ABLIM2: variants seen among roughly 807,000 people sequenced by gnomAD.
The protein encoded by ABLIM2 is actin-binding LIM protein 2.
Under a neutral mutation model 97.7 loss-of-function variants are expected in ABLIM2, and 53 were observed. The ratio of observed to expected loss-of-function variants is 0.54; its 90% CI spans 0.44 to 0.68. The LOEUF is 0.68. ABLIM2 is among the 30% of genes least tolerant of loss of function. ABLIM2 has a pLI of 0.00. For missense variants in ABLIM2, 835 were observed against 867.2 expected, an observed-to-expected ratio of 0.96 and a Z score of 0.47; for synonymous variants, 361 against 345.8, an observed-to-expected ratio of 1.04 and a Z score of -0.49.
chr4:8,114,777 C>G (rs1517524), intron 1 of ABLIM2, among the ~76,000 whole-genome samples: 108,809 of 152,058 alleles, frequency 0.72, 39,944 homozygotes, highest in South Asian at 0.94. Context: ...AGGCCAGCAC[C>G]GGGCCGATGT....
chr4:8,064,136 C>T (rs747115075), intron 6 of ABLIM2, among the ~76,000 whole-genome samples: 18 of 152,250 alleles, frequency 1.2e-4, no homozygotes, highest in South Asian at 4.1e-4. Flanking sequence ...TGTGCTCTCG[C>T]CATTGCTCCA....
chr4:8,154,899 C>T lies in ABLIM2; in HGVS notation c.10+3781G>A, dbSNP rs117291101. Among the ~76,000 whole-genome samples, 293 of 152,302 alleles carry T rather than the reference C, an allele frequency of 1.9e-3. 3 individuals are homozygous for T. The highest frequency in any genetic ancestry group is 0.013 in the East Asian group (66 of 5,188). Reference sequence around the variant, plus strand: ...GAGGCCTCGCAATCATGGCGGAAGACGAAGGAGGGGCAAAGGGACGTCTCA... The same window carrying T: ...GAGGCCTCGCAATCATGGCGGAAGATGAAGGAGGGGCAAAGGGACGTCTCA... On this transcript the variant is annotated intron_variant, in intron 1 of 20. Transcript: ENST00000447017.
chr4:8,008,241 C>T (rs755545775), intron 15 of ABLIM2, 41 bp from the exon 16 acceptor site: 3 of 1,585,242 alleles, frequency 1.9e-6, no homozygotes, highest in Non-Finnish European at 2.6e-6. Flanking sequence ...TCAAGGTCAT[C>T]TGCAATGGTG....
chr4:8,008,649 C>T (rs771984154), intron 15 of ABLIM2, among the ~76,000 whole-genome samples: 6 of 152,220 alleles, frequency 3.9e-5, no homozygotes, highest in Non-Finnish European at 8.8e-5. Context: ...GCTCCGGCTG[C>T]GTTCACAGAG....
intron 4 of ABLIM2, among the ~76,000 whole-genome samples, chr4:8,081,100 T>G (rs1348390721): frequency 6.6e-6 from 1 of 151,736 alleles, no homozygotes; most frequent in South Asian, 2.1e-4. Context: ...AGAGCGGAGT[T>G]GGCTCCTGGC....
chr4:8,115,195 C>T (rs12649575), intron 1 of ABLIM2, among the ~76,000 whole-genome samples: 61,770 of 152,074 alleles, frequency 0.41, 12,916 homozygotes, highest in Middle Eastern at 0.54. Context: ...CCCCTCTCAG[C>T]ATCACTGTCA....
At position 8,008,513 on chromosome 4, in the gene ABLIM2, G is replaced by C. The variant is rs150330212; in HGVS notation, c.1477-313C>G. ...GGGGAGAATGAGGGCTGCTGCCCAA[G>C]TCCAGCCTCGGGCTCTCCCTATGCA... On this transcript the variant is annotated intron_variant, in intron 15 of 20. Transcript: ENST00000447017. Among the ~76,000 whole-genome samples the C allele has an allele frequency of 1.7e-3, 265 of 152,344 alleles. 2 individuals are homozygous for C. The highest frequency in any genetic ancestry group is 6.1e-3 in the African/African-American group (252 of 41,584).
chr4:8,036,200 G>C lies in ABLIM2; in HGVS notation c.996C>G (p.Ser332=). Residue 332 remains serine, a synonymous_variant, in exon 10 of 21, where the codon TCC becomes TCG. Transcript: ENST00000447017. The part of the protein sequence containing the change: ...IYDIDRPDMI[S]YSPYISHSAG... ...CAGAGTGGCTGATGTAGGGTGAGTA[G>C]GAGATCATGTCGGGGCGGTCGATGT... The C allele has an allele frequency of 1.9e-6, 3 of 1,613,950 alleles. No individual in the cohort carries two copies. Among genetic ancestry groups the C allele is most frequent in the Non-Finnish European group, 2.5e-6 (3 of 1,179,824 alleles).
Position 8,097,301 on chromosome 4 carries a change from G to A in ABLIM2, c.155-19C>T. ...CCACATGCTGGGGGAGGACGGGCGA[G>A]GTGGCGTTAGCGGCAGAGGGGACCA... is the stretch of plus-strand genomic sequence containing the variant. On this transcript the variant is annotated intron_variant, in intron 2 of 20. Transcript: ENST00000447017. 1.3e-6 allele frequency: 2 copies of A among 1,552,064 alleles called. No individual in the cohort carries two copies. The highest frequency in any genetic ancestry group is 8.7e-7 in the Non-Finnish European group (1 of 1,148,158).
At chr4:8,055,214 G>T (rs1355391732) in intron 7 of ABLIM2, among the ~76,000 whole-genome samples, 1 of 152,146 alleles carries the variant, frequency 6.6e-6, no homozygotes, top group Non-Finnish European at 1.5e-5. Context: ...CTTGTGCATG[G>T]GGGACTCAGT....
rs541905316 is a variant in ABLIM2, at chr4:8,058,633, C to T, written c.763+2334G>A. On this transcript the variant is annotated intron_variant, in intron 7 of 20. Transcript: ENST00000447017. The surrounding 1 kb of genome is among the most constrained non-coding windows in gnomAD (Gnocchi z 4.2). ...CAAGTCTGGGGGCTGCACTCCAGCA[C>T]ATGGCCCCTGTCCCACCAGTGCTCG... Among the ~76,000 whole-genome samples the T allele has an allele frequency of 6.6e-6, 1 of 152,328 alleles. No individual in the cohort carries two copies. The highest frequency in any genetic ancestry group is 1.9e-4 in the East Asian group (1 of 5,170).
Position 8,068,018 on chromosome 4 carries a change from T to G in ABLIM2, c.676-6964A>C, listed in dbSNP as rs1404704184. Among the ~76,000 whole-genome samples the G allele has an allele frequency of 6.6e-6, 1 of 152,054 alleles. No homozygotes were observed. Among genetic ancestry groups the G allele is most frequent in the Admixed American group, 6.6e-5 (1 of 15,254 alleles). ...TCGATGGGCTGATGGAGTCAAAAAT[T>G]AGAAGTGTCCTCATTCCCTGTGTCA... is the stretch of plus-strand genomic sequence containing the variant. On this transcript the variant is annotated intron_variant, in intron 6 of 20. Transcript: ENST00000447017. The surrounding 1 kb of genome is among the most constrained non-coding windows in gnomAD (Gnocchi z 4.5).
chr4:8,145,761 C>T (rs866350221), intron 1 of ABLIM2, among the ~76,000 whole-genome samples: 1,667 of 148,802 alleles, frequency 0.011, 40 homozygotes, highest in African/African-American at 0.035. Flanking sequence ...CACACACACA[C>T]ACACACACAC....
rs574978223 is a variant in ABLIM2 at position 8,148,432 on chromosome 4, G to A, written c.10+10248C>T. ...GCTCAGGACGCGGGGGGGCCATGGCGCACCACAGTTAGGAGTGCGGGTTCT... is the reference window on the plus strand; with the variant it reads ...GCTCAGGACGCGGGGGGGCCATGGCACACCACAGTTAGGAGTGCGGGTTCT... On this transcript the variant is annotated intron_variant, in intron 1 of 20. Transcript: ENST00000447017. This position sits in a 1 kb window ranked among gnomAD's most constrained non-coding sequence, Gnocchi z 6.7. 1.3e-5 allele frequency among the ~76,000 whole-genome samples: 2 copies of A among 152,270 alleles called. No individual in the cohort carries two copies. Among genetic ancestry groups the A allele is most frequent in the African/African-American group, 2.4e-5 (1 of 41,554 alleles).
Position 8,128,568 on chromosome 4 carries a change from A to C in ABLIM2, c.11-21931T>G, listed in dbSNP as rs1376456662. On this transcript the variant is annotated intron_variant, in intron 1 of 20. Transcript: ENST00000447017. This position sits in a 1 kb window ranked among gnomAD's most constrained non-coding sequence, Gnocchi z 4.9. ...CTCCCAGGCTCTAAAACACGAATGC[A>C]CTAAACCTCCAGTGACCTTGCACAG... is the stretch of plus-strand genomic sequence containing the variant. 6.6e-6 allele frequency among the ~76,000 whole-genome samples: 1 copy of C among 152,206 alleles called. No homozygotes were observed. Among genetic ancestry groups the C allele is most frequent in the Non-Finnish European group, 1.5e-5 (1 of 68,028 alleles).
At chr4:8,014,507 T>C (rs112587815) in intron 14 of ABLIM2, among the ~76,000 whole-genome samples, 3,050 of 151,832 alleles carry the variant, frequency 0.02, 105 homozygotes, top group African/African-American at 0.069. Context: ...TGTATGTGAG[T>C]GAGTATGTGG....
chr4:7,985,415 A>G (rs1743019040), intron 17 of ABLIM2, among the ~76,000 whole-genome samples: 1 of 152,068 alleles, frequency 6.6e-6, no homozygotes, highest in South Asian at 2.1e-4. Context: ...GTTCCCTGCA[A>G]GATGGCCAAG....
At chr4:8,104,526 A>T (rs1179990297) in intron 2 of ABLIM2, among the ~76,000 whole-genome samples, 2 of 152,146 alleles carry the variant, frequency 1.3e-5, no homozygotes, top group African/African-American at 4.8e-5. Context: ...GCCCCCGGTG[A>T]TGTCCCTGAT....
In ABLIM2 at chr4:8,124,476, C is replaced by T. The variant is rs1452118422; in HGVS notation, c.11-17839G>A. On this transcript the variant is annotated intron_variant, in intron 1 of 20. Coordinates refer to ENST00000447017, the MANE Select transcript of ABLIM2 (RefSeq NM_001130083.2). This position sits in a 1 kb window ranked among gnomAD's most constrained non-coding sequence, Gnocchi z 6.1. The stretch of plus-strand genomic sequence containing the variant: ...GTCTGTCTCTGTGGATTTGCCTGCT[C>T]TGGGCATTTCATGCGAACGGAATCC... Among the ~76,000 whole-genome samples the T allele has an allele frequency of 1.3e-5, 2 of 152,210 alleles. No individual in the cohort carries two copies. The highest frequency in any genetic ancestry group is 2.9e-5 in the Non-Finnish European group (2 of 68,046).
Sources: allele counts gnomAD v4.1 joint callset (sites outside exome capture counted in the v4.1 genomes callset), GRCh38; gene constraint gnomAD v4.1.1; non-coding constraint Gnocchi (gnomAD v3.1); transcripts MANE v1.5; gene names NCBI Gene and HGNC (gene_info 2026-07-23, HGNC 2026-07-21).